MAPK10: variants seen among roughly 807,000 people sequenced by gnomAD.
MAPK10 encodes JNK3 alpha protein kinase.
In MAPK10, 25 loss-of-function variants were observed where a neutral mutation model predicts 59.3. That is an observed-to-expected ratio of 0.42 (90% confidence interval 0.31 to 0.59). The LOEUF is 0.59. Among genes scored for constraint, MAPK10 ranks in the 20% least tolerant of loss-of-function variants. The probability of loss-of-function intolerance (pLI) is 0.15; values close to 1 mark genes in which losing one functional copy is unlikely to be tolerated. For synonymous variants in MAPK10, 190 were observed against 200.5 expected (o/e 0.95, Z 0.44); for missense variants, 351 against 568.9 (o/e 0.62, Z 3.90).
At chr4:86,025,943 C>CT (rs1372530836) in intron 13 of MAPK10, among the ~76,000 whole-genome samples, 2 of 152,100 alleles carry the variant, frequency 1.3e-5, no homozygotes, top group Non-Finnish European at 2.9e-5. Context: ...AAAATAGTGT[C>CT]TTTTTTATCT....
At chr4:86,250,673 T>C (rs1053991154) in intron 2 of MAPK10, among the ~76,000 whole-genome samples, 1 of 152,122 alleles carries the variant, frequency 6.6e-6, no homozygotes, top group Non-Finnish European at 1.5e-5. Context: ...ATCAAGAAAA[T>C]GGCAAAGAAA....
chr4:86,459,495 C>G (rs1241866952), intron 1 of MAPK10, among the ~76,000 whole-genome samples: 1 of 152,126 alleles, frequency 6.6e-6, no homozygotes, highest in Non-Finnish European at 1.5e-5. Flanking sequence ...AATGTGGAAC[C>G]AACCCAAATG....
chr4:86,099,336 A>G (rs4501213), intron 8 of MAPK10: 73,009 of 152,168 alleles, frequency 0.48, 18,937 homozygotes, highest in African/African-American at 0.68. Flanking sequence ...TGTTATGTAC[A>G]TATATTTATT....
chr4:86,235,980 T>A (rs541855796), intron 2 of MAPK10, among the ~76,000 whole-genome samples: 80 of 152,280 alleles, frequency 5.3e-4, no homozygotes, highest in African/African-American at 1.7e-3. Flanking sequence ...GGATAGTTCC[T>A]CTTGGAAGCT....
At chr4:86,335,936 G>A (rs995354039) in intron 2 of MAPK10, among the ~76,000 whole-genome samples, 8 of 152,112 alleles carry the variant, frequency 5.3e-5, no homozygotes, top group African/African-American at 1.9e-4. Flanking sequence ...CCCTCCAGAC[G>A]TGGAGATTAC....
chr4:86,392,377 T>C, intron 1 of MAPK10: 1 of 151,294 alleles, frequency 6.6e-6, no homozygotes, highest in Non-Finnish European at 1.5e-5. Flanking sequence ...AGGTGGAGGT[T>C]GTTGCAGTGA....
chr4:86,388,168 G>A (rs1332503054), intron 1 of MAPK10, among the ~76,000 whole-genome samples: 1 of 151,664 alleles, frequency 6.6e-6, no homozygotes, highest in African/African-American at 2.4e-5. Flanking sequence ...TACTTCAAAA[G>A]GTTTAGGAAA....
At chr4:86,256,214 T>C (rs1324688353) in intron 2 of MAPK10, among the ~76,000 whole-genome samples, 1 of 152,196 alleles carries the variant, frequency 6.6e-6, no homozygotes, top group Non-Finnish European at 1.5e-5. Flanking sequence ...ACCAATCTCA[T>C]ACTTGGCCGA....
chr4:86,322,252 G>C (rs150456997), intron 2 of MAPK10, among the ~76,000 whole-genome samples: 1 of 152,286 alleles, frequency 6.6e-6, no homozygotes, highest in South Asian at 2.1e-4. Flanking sequence ...ATTTGCATTT[G>C]TTTGTCCTTG....
chr4:86,250,607 T>C (rs1220261595), intron 2 of MAPK10, among the ~76,000 whole-genome samples: 12 of 152,128 alleles, frequency 7.9e-5, no homozygotes, highest in Admixed American at 5.9e-4. Context: ...ACATCTCAAT[T>C]TCATAGAGGA....
chr4:86,047,398 G>A (rs2042700383), intron 11 of MAPK10, among the ~76,000 whole-genome samples: 1 of 152,124 alleles, frequency 6.6e-6, no homozygotes, highest in South Asian at 2.1e-4. Flanking sequence ...ACCCTAAAGG[G>A]GGAGCTTGCT....
chr4:86,068,559 C>G (rs754393851), intron 9 of MAPK10, among the ~76,000 whole-genome samples: 1 of 152,002 alleles, frequency 6.6e-6, no homozygotes, highest in South Asian at 2.1e-4. Context: ...AACAAAGAAG[C>G]CACCTATTTC....
chr4:86,184,499 G>A (rs2077686015), intron 3 of MAPK10, among the ~76,000 whole-genome samples: 1 of 152,126 alleles, frequency 6.6e-6, no homozygotes, highest in African/African-American at 2.4e-5. Flanking sequence ...TTTGATGAGA[G>A]CCTACTGATA....
chr4:86,113,688 T>C (rs1457887825), intron 4 of MAPK10, among the ~76,000 whole-genome samples: 1 of 152,074 alleles, frequency 6.6e-6, no homozygotes, highest in Non-Finnish European at 1.5e-5. Flanking sequence ...TGATTGTGTG[T>C]CTTGGAGTTG....
intron 3 of MAPK10, among the ~76,000 whole-genome samples, chr4:86,166,825 C>T (rs1160893628): frequency 1.3e-5 from 2 of 151,862 alleles, no homozygotes; most frequent in Admixed American, 1.3e-4. Context: ...ACTAGAGAAG[C>T]AAGAGCAAAC....
intron 2 of MAPK10, among the ~76,000 whole-genome samples, chr4:86,207,506 C>T (rs1344864193): frequency 6.6e-6 from 1 of 152,080 alleles, no homozygotes; most frequent in East Asian, 1.9e-4. Flanking sequence ...GTTCTTTTGG[C>T]TTAGGATTGA....
intron 1 of MAPK10, among the ~76,000 whole-genome samples, chr4:86,515,433 C>T (rs1756578046): frequency 6.6e-6 from 1 of 152,136 alleles, no homozygotes; most frequent in African/African-American, 2.4e-5. Flanking sequence ...AGTGGTTGTA[C>T]TAGTTTACAT....
intron 1 of MAPK10, among the ~76,000 whole-genome samples, chr4:86,439,744 T>C (rs1355666751): frequency 6.6e-6 from 1 of 152,236 alleles, no homozygotes; most frequent in Non-Finnish European, 1.5e-5. Flanking sequence ...TACATATTCT[T>C]ATTATTACTT....
At chr4:86,139,342 T>A (rs1434668633) in intron 4 of MAPK10, among the ~76,000 whole-genome samples, 1 of 150,902 alleles carries the variant, frequency 6.6e-6, no homozygotes, top group Non-Finnish European at 1.5e-5. Context: ...GAGATGTAGA[T>A]CAATGGAACA....
Sources: allele counts gnomAD v4.1 joint callset (sites outside exome capture counted in the v4.1 genomes callset), GRCh38; gene constraint gnomAD v4.1.1; transcripts MANE v1.5; gene names NCBI Gene and HGNC (gene_info 2026-07-23, HGNC 2026-07-21).